TSC22D3: variants seen among roughly 807,000 people sequenced by gnomAD.
TSC22D3 encodes TSC22 domain family protein 3.
A neutral mutation model predicts 11.1 loss-of-function variants in TSC22D3; 4 were observed. The observed-to-expected ratio is 0.36, with a 90% CI of 0.18 to 0.83. TSC22D3 has a LOEUF of 0.83. TSC22D3 is among the 40% of genes least tolerant of loss of function. The pLI is 0.48. For synonymous variants in TSC22D3, 77 were observed against 70.3 expected, an observed-to-expected ratio of 1.10 and a Z score of -0.48; for missense variants, 118 against 159.4, an observed-to-expected ratio of 0.74 and a Z score of 1.40.
intron 1 of TSC22D3, among the ~76,000 whole-genome samples, chrX:107,724,892 C>A (rs1390643142): frequency 8.9e-6 from 1 of 112,481 alleles, no homozygotes; most frequent in African/African-American, 3.2e-5. Context: ...TGTGCACAAT[C>A]AATCATATGG....
intron 1 of TSC22D3, among the ~76,000 whole-genome samples, chrX:107,759,129 G>A (rs1167814721): frequency 1.8e-5 from 2 of 111,339 alleles, no homozygotes; most frequent in African/African-American, 6.5e-5. Flanking sequence ...GCCTCCTAAA[G>A]TGCTGGGATT....
chrX:107,716,434 C>T, intron 1 of TSC22D3: 1 of 982,388 alleles, frequency 1.0e-6, no homozygotes, highest in Non-Finnish European at 1.3e-6. Context: ...CCCGCCGCCC[C>T]TCTGCCTCCG....
rs189916466 is a variant in TSC22D3, at chrX:107,752,756, G to A, written c.320+22344C>T. Among the ~76,000 whole-genome samples, 58 of 111,407 alleles carry A rather than the reference G, an allele frequency of 5.2e-4. 1 individual carries two copies. The highest frequency in any genetic ancestry group is 1.7e-3 in the African/African-American group (52 of 30,659). The stretch of plus-strand genomic sequence containing the variant: ...CTGCTGCCCAGTTTAGATTCCCCAC[G>A]GACACCACTGGAGCCTAATGAGGTT... On this transcript the variant is annotated intron_variant, in intron 1 of 2. Coordinates refer to ENST00000372383, the MANE Select transcript of TSC22D3 (RefSeq NM_198057.3).
At chrX:107,745,424 A>G (rs1293055981) in intron 1 of TSC22D3, among the ~76,000 whole-genome samples, 1 of 112,546 alleles carries the variant, frequency 8.9e-6, no homozygotes, top group Non-Finnish European at 1.9e-5. Flanking sequence ...AATGTGTATT[A>G]GCATATACCT....
intron 1 of TSC22D3, among the ~76,000 whole-genome samples, chrX:107,757,535 A>C (rs1451188756): frequency 8.9e-6 from 1 of 112,407 alleles, no homozygotes; most frequent in Non-Finnish European, 1.9e-5. Flanking sequence ...CTTTAAAAGA[A>C]ACATATAGAT....
chrX:107,716,053 C>A (rs759900597), intron 1 of TSC22D3, 103 bp from the exon 2 acceptor site: 62 of 893,835 alleles, frequency 6.9e-5, no homozygotes, highest in Middle Eastern at 4.1e-4. Flanking sequence ...CTCTTCCTCT[C>A]TCTCTCCTTC....
intron 1 of TSC22D3, among the ~76,000 whole-genome samples, chrX:107,749,064 G>A (rs1039882713): frequency 1.2e-4 from 13 of 111,330 alleles, no homozygotes; most frequent in Non-Finnish European, 1.9e-4. Context: ...GTCAGGTGCG[G>A]TGGCTCATGC....
intron 1 of TSC22D3, among the ~76,000 whole-genome samples, chrX:107,732,318 G>T (rs1164628479): frequency 9.1e-6 from 1 of 110,268 alleles, no homozygotes; most frequent in Non-Finnish European, 1.9e-5. Context: ...CCAAGGCCAG[G>T]CCAGCTTCTG....
intron 1 of TSC22D3, among the ~76,000 whole-genome samples, chrX:107,722,535 A>C (rs1245392841): frequency 8.9e-6 from 1 of 112,380 alleles, no homozygotes; most frequent in Non-Finnish European, 1.9e-5. Flanking sequence ...TTGTTCTGCC[A>C]TGTCAGCAGG....
At chrX:107,725,490 T>C (rs1927575516) in intron 1 of TSC22D3, among the ~76,000 whole-genome samples, 2 of 111,695 alleles carry the variant, frequency 1.8e-5, no homozygotes, top group Admixed American at 1.9e-4. Flanking sequence ...GGCCTAAAGG[T>C]AAGAGCCAAG....
intron 1 of TSC22D3, among the ~76,000 whole-genome samples, chrX:107,766,484 C>T (rs1167221191): frequency 1.0e-5 from 1 of 97,722 alleles, no homozygotes; most frequent in African/African-American, 3.8e-5. Context: ...CCACCCCAAC[C>T]CACCCAGTAG....
At position 107,775,701 on chromosome X, in the gene TSC22D3, G is replaced by A. The variant is rs1930107137; in HGVS notation, c.-282C>T. ...CTCCTCCCCCTCCTCTTGAGGCCGG[G>A]GGCCGCCCCCCTGAGGTGCCACACG... On this transcript the variant is annotated 5_prime_UTR_variant, in exon 1 of 3. Transcript: ENST00000372383. 4 of 224,246 alleles carry A rather than the reference G, an allele frequency of 1.8e-5. No individual in the cohort carries two copies. The East Asian group carries it at 3.8e-4, about 21-fold the overall frequency. The allele number at this position is 224,246 out of a possible 1,213,427, so 18.5% of individuals were successfully genotyped here.
rs1248725475 is a variant in TSC22D3, at chrX:107,749,488, G to T, written c.320+25612C>A. On this transcript the variant is annotated intron_variant, in intron 1 of 2. Coordinates refer to ENST00000372383, the MANE Select transcript of TSC22D3 (RefSeq NM_198057.3). Reference sequence around the variant, plus strand: ...TTTTTTTTTTTAGAAACAGGGTCTTGCCAAGTTGCTCAAACTGATCTTGAA... The same window carrying T: ...TTTTTTTTTTTAGAAACAGGGTCTTTCCAAGTTGCTCAAACTGATCTTGAA... Among the ~76,000 whole-genome samples, 4 of 110,740 alleles carry T rather than the reference G, an allele frequency of 3.6e-5. No individual in the cohort carries two copies. In the East Asian group the frequency reaches 1.1e-3, roughly 31 times the overall value.
intron 1 of TSC22D3, among the ~76,000 whole-genome samples, chrX:107,759,274 T>G (rs1234704662): frequency 1.8e-5 from 2 of 111,219 alleles, no homozygotes; most frequent in East Asian, 5.6e-4. Flanking sequence ...TTTTTTGTCT[T>G]ATGTGAACTC....
At chrX:107,736,203 C>A (rs753409397) in intron 1 of TSC22D3, among the ~76,000 whole-genome samples, 1 of 111,971 alleles carries the variant, frequency 8.9e-6, no homozygotes, top group Non-Finnish European at 1.9e-5. Context: ...ATCTAGTTTT[C>A]CCAACAACAA....
intron 1 of TSC22D3, among the ~76,000 whole-genome samples, chrX:107,735,371 ATTCTT>A (rs1411437381): frequency 8.9e-6 from 1 of 111,735 alleles, no homozygotes; most frequent in Non-Finnish European, 1.9e-5. Context: ...TTCAGACGCT[ATTCTT>A]GGTCCTGGGC....
intron 1 of TSC22D3, among the ~76,000 whole-genome samples, chrX:107,754,686 C>A (rs1302384851): frequency 8.9e-6 from 1 of 111,924 alleles, no homozygotes; most frequent in Admixed American, 9.5e-5. Flanking sequence ...ACTATGAAGT[C>A]GTCTTCCTTC....
At chrX:107,726,743 G>A (rs1414936610) in intron 1 of TSC22D3, among the ~76,000 whole-genome samples, 4 of 110,733 alleles carry the variant, frequency 3.6e-5, no homozygotes, top group Admixed American at 9.7e-5. Flanking sequence ...TCTGTGGCAC[G>A]AGCAACCTTA....
Position 107,758,204 on chromosome X carries a change from C to T in TSC22D3, c.320+16896G>A, listed in dbSNP as rs7058016. Among the ~76,000 whole-genome samples the T allele has an allele frequency of 7.6e-3, 839 of 110,202 alleles. 6 individuals carry two copies. The highest frequency in any genetic ancestry group is 0.027 in the African/African-American group (805 of 30,277). ...TCTGGACAGGTGGAGGGAGGTTCTT[C>T]GTCTACTCACTCTCACCATCACACT... On this transcript the variant is annotated intron_variant, in intron 1 of 2. Coordinates refer to ENST00000372383, the MANE Select transcript of TSC22D3 (RefSeq NM_198057.3).
Sources: allele counts gnomAD v4.1 joint callset (sites outside exome capture counted in the v4.1 genomes callset), GRCh38; gene constraint gnomAD v4.1.1; transcripts MANE v1.5; gene names NCBI Gene and HGNC (gene_info 2026-07-23, HGNC 2026-07-21).